The following BTBD10 variants were observed in gnomAD, a reference collection of about 807,000 sequenced individuals.
BTBD10 encodes the protein BTB/POZ domain-containing protein 10.
In BTBD10, 21 loss-of-function variants were observed where a neutral mutation model predicts 53.2. The ratio of observed to expected loss-of-function variants is 0.39; its 90% CI spans 0.28 to 0.57. BTBD10 has a LOEUF of 0.57. Ranked by LOEUF, BTBD10 falls within the 20% of genes least tolerant of loss-of-function variation. The pLI, the probability that BTBD10 is intolerant of heterozygous loss-of-function variation, is 0.53. For synonymous variants in BTBD10, 149 were observed against 192.7 expected (o/e 0.77, Z 1.88); for missense variants, 360 against 594.7 (o/e 0.61, Z 4.10).
chr11:13,460,873 C>A (rs1951079750), intron 1 of BTBD10, among the ~76,000 whole-genome samples: 1 of 152,128 alleles, frequency 6.6e-6, no homozygotes, highest in African/African-American at 2.4e-5. Context: ...ATATTAGCTG[C>A]AAATACAATA....
intron 8 of BTBD10, 45 bp from the exon 9 acceptor site, chr11:13,389,186 C>T: frequency 6.6e-7 from 1 of 1,524,440 alleles, no homozygotes; most frequent in Non-Finnish European, 8.8e-7. Flanking sequence ...CACACACAGA[C>T]CTCTCACCCA....
intron 8 of BTBD10, 52 bp from the exon 9 acceptor site, chr11:13,389,193 C>T: frequency 6.7e-7 from 1 of 1,494,232 alleles, no homozygotes; most frequent in Non-Finnish European, 9.0e-7. Flanking sequence ...AGACCTCTCA[C>T]CCAATTTCGC....
chr11:13,419,761 T>C lies in BTBD10; in HGVS notation c.299-16A>G, dbSNP rs768583981. On this transcript the variant is annotated splice_polypyrimidine_tract_variant and intron_variant, in intron 3 of 8. Transcript: ENST00000278174. ...TTTTCTCGTTCTGAAATAAAGATGT[T>C]AGACGAAGTTATGCAAATTTTCTTT... The C allele has an allele frequency of 6.5e-7, 1 of 1,527,532 alleles. No homozygotes were observed. Among genetic ancestry groups the C allele is most frequent in the South Asian group, 1.2e-5 (1 of 81,306 alleles). The allele number at this position is 1,527,532 out of a possible 1,614,324, so 94.6% of individuals were successfully genotyped here.
At chr11:13,430,168 T>C (rs1950420517) in intron 2 of BTBD10, among the ~76,000 whole-genome samples, 1 of 152,156 alleles carries the variant, frequency 6.6e-6, no homozygotes, top group Non-Finnish European at 1.5e-5. Context: ...AGAAAATATT[T>C]GCAAATCATG....
intron 7 of BTBD10, 82 bp from the exon 8 acceptor site, chr11:13,403,360 G>T (rs931479464): frequency 9.4e-6 from 7 of 743,330 alleles, no homozygotes; most frequent in Non-Finnish European, 1.5e-5. Context: ...TCATCAAAGG[G>T]GCCTAACAGT....
At chr11:13,439,503 A>G (rs1235390081) in intron 2 of BTBD10, among the ~76,000 whole-genome samples, 1 of 152,094 alleles carries the variant, frequency 6.6e-6, no homozygotes, top group East Asian at 1.9e-4. Context: ...AATATATTCA[A>G]TTCCTTCTTT....
At chr11:13,405,919 T>C (rs1949813692) in intron 6 of BTBD10, 63 bp from the exon 7 acceptor site, 3 of 1,483,320 alleles carry the variant, frequency 2.0e-6, no homozygotes, top group East Asian at 2.3e-5. Context: ...CTTTTAGAAA[T>C]ATAGACTCTT....
intron 8 of BTBD10, among the ~76,000 whole-genome samples, chr11:13,390,096 AAAT>A (rs1415799251): frequency 5.4e-4 from 80 of 147,202 alleles, no homozygotes; most frequent in African/African-American, 1.8e-3. Context: ...TTGAAAAAAA[AAAT>A]TAGTTATTTA....
chr11:13,398,126 A>G (rs1949605586), intron 8 of BTBD10, among the ~76,000 whole-genome samples: 1 of 152,044 alleles, frequency 6.6e-6, no homozygotes, highest in African/African-American at 2.4e-5. Context: ...TGATCTGTCT[A>G]ATGTTGACAG....
chr11:13,441,154 T>A (rs1218026423), intron 2 of BTBD10, among the ~76,000 whole-genome samples: 2 of 152,106 alleles, frequency 1.3e-5, no homozygotes, highest in African/African-American at 2.4e-5. Flanking sequence ...TTAAACAAAT[T>A]CAATCATATA....
chr11:13,432,536 A>G (rs1950468307), intron 2 of BTBD10, among the ~76,000 whole-genome samples: 1 of 152,094 alleles, frequency 6.6e-6, no homozygotes, highest in African/African-American at 2.4e-5. Flanking sequence ...TAAATCTAAA[A>G]TTATTTCATA....
At chr11:13,410,355 G>T (rs1406519526) in intron 6 of BTBD10, among the ~76,000 whole-genome samples, 4 of 152,130 alleles carry the variant, frequency 2.6e-5, no homozygotes, top group Admixed American at 2.6e-4. Flanking sequence ...GCCAAAGGAA[G>T]GGAGAGTCAA....
chr11:13,398,254 A>G (rs569141653), intron 8 of BTBD10, among the ~76,000 whole-genome samples: 21 of 152,222 alleles, frequency 1.4e-4, no homozygotes, highest in African/African-American at 3.6e-4. Flanking sequence ...TATTTAGGAT[A>G]GTTAGCTCTT....
At chr11:13,411,119 G>A (rs1949932629) in intron 6 of BTBD10, among the ~76,000 whole-genome samples, 1 of 152,062 alleles carries the variant, frequency 6.6e-6, no homozygotes, top group African/African-American at 2.4e-5. Flanking sequence ...AACGCACAAG[G>A]GAATACAATA....
intron 2 of BTBD10, among the ~76,000 whole-genome samples, chr11:13,427,226 A>T (rs952758601): frequency 6.6e-6 from 1 of 152,036 alleles, no homozygotes; most frequent in African/African-American, 2.4e-5. Context: ...TAAAATAATA[A>T]TAATAATAAT....
intron 7 of BTBD10, 199 bp downstream of exon 7, chr11:13,405,459 CA>C: frequency 1.7e-6 from 1 of 578,334 alleles, no homozygotes; most frequent in Non-Finnish European, 3.1e-6. Flanking sequence ...CATTGCGAGC[CA>C]TGCAGTTTCT....
intron 2 of BTBD10, among the ~76,000 whole-genome samples, chr11:13,424,255 A>G (rs1394572819): frequency 6.6e-6 from 1 of 152,206 alleles, no homozygotes; most frequent in African/African-American, 2.4e-5. Flanking sequence ...TACAAGCTAA[A>G]TGTTCAGTTT....
At chr11:13,396,599 G>C (rs1405189682) in intron 8 of BTBD10, among the ~76,000 whole-genome samples, 1 of 152,156 alleles carries the variant, frequency 6.6e-6, no homozygotes, top group Non-Finnish European at 1.5e-5. Context: ...TGGTGAGAGA[G>C]GGCATCCCTT....
At chr11:13,444,962 G>A (rs1169942633) in intron 2 of BTBD10, 62 bp downstream of exon 2, 3 of 1,315,608 alleles carry the variant, frequency 2.3e-6, no homozygotes, top group African/African-American at 2.9e-5. Flanking sequence ...AAATGCAGTA[G>A]TATTCTTTAC....
Sources: gnomAD v4.1 joint callset for allele counts (sites outside exome capture counted in the v4.1 genomes callset) on GRCh38, gnomAD v4.1.1 for gene constraint, MANE v1.5 for transcripts, NCBI Gene and HGNC (gene_info 2026-07-23, HGNC 2026-07-21) for gene names.